Variants in CEP112 observed in about 807,000 individuals in gnomAD.
The protein encoded by CEP112 is centrosomal protein of 112 kDa.
In CEP112, 127 loss-of-function variants were observed where a neutral mutation model predicts 153.0. That is an observed-to-expected ratio of 0.83 (90% CI 0.72 to 0.96). The LOEUF (loss-of-function observed/expected upper bound fraction) is 0.96, where lower values mean the gene tolerates loss of function less well. Among genes scored for constraint, CEP112 ranks in the 40% least tolerant of loss-of-function variants. CEP112 has a pLI of 0.00. For synonymous variants in CEP112, 358 were observed against 374.4 expected, an observed-to-expected ratio of 0.96 and a Z score of 0.51; for missense variants, 1,089 against 1,101.2, an observed-to-expected ratio of 0.99 and a Z score of 0.16.
At chr17:66,167,682 T>A (rs956367032) in intron 4 of CEP112, among the ~76,000 whole-genome samples, 1 of 152,212 alleles carries the variant, frequency 6.6e-6, no homozygotes, top group African/African-American at 2.4e-5. Flanking sequence ...AAAGTACTTA[T>A]GCCTATATGA....
intron 23 of CEP112, among the ~76,000 whole-genome samples, chr17:65,721,881 T>C (rs1346560447): frequency 6.6e-6 from 1 of 152,044 alleles, no homozygotes; most frequent in East Asian, 1.9e-4. Context: ...AAGCCAACTA[T>C]TGAAGGAAAG....
At chr17:65,989,042 T>C (rs908940914) in intron 17 of CEP112, among the ~76,000 whole-genome samples, 4 of 151,284 alleles carry the variant, frequency 2.6e-5, no homozygotes, top group African/African-American at 9.7e-5. Flanking sequence ...GGCTGACACA[T>C]GGTGAAACCC....
intron 16 of CEP112, among the ~76,000 whole-genome samples, chr17:66,017,676 C>G (rs1161752038): frequency 1.3e-5 from 2 of 151,942 alleles, no homozygotes; most frequent in Non-Finnish European, 2.9e-5. Flanking sequence ...CAAAAGAGAA[C>G]AGATCAATAC....
rs116071430 is a variant in CEP112, at chr17:65,794,079, G to A, written c.2395-43355C>T. 3.2e-3 allele frequency among the ~76,000 whole-genome samples: 480 copies of A among 152,186 alleles called. 3 individuals carry two copies. Among genetic ancestry groups the A allele is most frequent in the African/African-American group, 0.011 (456 of 41,504 alleles). ...TGCTATATTCTAGGTAGTCTTCCAG[G>A]CACTGGGGATACAGCAGTGAACAAA... On this transcript the variant is annotated intron_variant, in intron 21 of 26. Transcript: ENST00000535342.
intron 24 of CEP112, 52 bp downstream of exon 24, chr17:65,689,074 ACTT>A: frequency 1.5e-6 from 2 of 1,313,476 alleles, no homozygotes; most frequent in Admixed American, 3.4e-5. Context: ...GGCTGCACAC[ACTT>A]CTTGACCTAG....
At chr17:65,882,547 C>T (rs2059121719) in intron 20 of CEP112, among the ~76,000 whole-genome samples, 1 of 152,194 alleles carries the variant, frequency 6.6e-6, no homozygotes, top group Non-Finnish European at 1.5e-5. Flanking sequence ...GCAATCTCTG[C>T]AGCATAGTTC....
intron 17 of CEP112, among the ~76,000 whole-genome samples, chr17:65,968,082 G>A (rs2062480290): frequency 1.3e-5 from 2 of 152,048 alleles, no homozygotes; most frequent in Non-Finnish European, 2.9e-5. Context: ...CATTACAGAT[G>A]TAGTATTATA....
intron 23 of CEP112, among the ~76,000 whole-genome samples, chr17:65,727,477 TA>T (rs1032067937): frequency 9.2e-5 from 14 of 152,176 alleles, no homozygotes; most frequent in African/African-American, 2.9e-4. Flanking sequence ...GAGGCTGTTT[TA>T]AATCAATCGC....
intron 19 of CEP112, among the ~76,000 whole-genome samples, chr17:65,912,616 A>T (rs575732682): frequency 4.6e-5 from 7 of 152,338 alleles, no homozygotes; most frequent in African/African-American, 1.7e-4. Flanking sequence ...CCATGGCTGA[A>T]GTAGCATGGA....
At chr17:66,138,742 T>C (rs229850) in intron 4 of CEP112, among the ~76,000 whole-genome samples, 151,769 of 152,256 alleles carry the variant, frequency 1, 75,643 homozygotes, top group Middle Eastern at 1. Flanking sequence ...ACAGTAACAA[T>C]AAACACATCA....
chr17:66,096,616 T>C lies in CEP112; in HGVS notation c.659A>G (p.Tyr220Cys). 6.3e-7 allele frequency: 1 copy of C among 1,591,896 alleles called. No individual in the cohort carries two copies. Among genetic ancestry groups the C allele is most frequent in the South Asian group, 1.1e-5 (1 of 87,634 alleles). The change falls in exon 7 of 27, where the codon TAC becomes TGC. Residue 220 changes from tyrosine to cysteine, a missense_variant. Transcript: ENST00000535342. The part of the protein sequence containing the change: ...SWNLGIENPR[Y>C]LRQKPIPVSL... Reference sequence around the variant, plus strand: ...AACTGGGATAGGCTTCTGTCTCAGGTATCGAGGATTTTCTATCTGAAAATT... The same window carrying C: ...AACTGGGATAGGCTTCTGTCTCAGGCATCGAGGATTTTCTATCTGAAAATT...
chr17:66,098,179 T>C (rs1343876546), intron 6 of CEP112, among the ~76,000 whole-genome samples: 8 of 152,242 alleles, frequency 5.3e-5, no homozygotes, highest in African/African-American at 1.9e-4. Context: ...GCTTCCATTT[T>C]GTGTACATCA....
chr17:66,079,026 C>A (rs1350706326), intron 8 of CEP112, among the ~76,000 whole-genome samples: 1 of 152,124 alleles, frequency 6.6e-6, no homozygotes, highest in Non-Finnish European at 1.5e-5. Context: ...CATCACTAAT[C>A]ATCAGAGAAA....
At chr17:66,091,762 G>T (rs1204748490) in intron 8 of CEP112, among the ~76,000 whole-genome samples, 1 of 151,626 alleles carries the variant, frequency 6.6e-6, no homozygotes, top group East Asian at 1.9e-4. Flanking sequence ...TATTTGAAAA[G>T]ATAAACAAAA....
intron 17 of CEP112, among the ~76,000 whole-genome samples, chr17:65,966,357 A>G (rs1568304690): frequency 6.6e-6 from 1 of 152,234 alleles, no homozygotes; most frequent in Non-Finnish European, 1.5e-5. Flanking sequence ...GCTAACATGT[A>G]TATGTACAGG....
chr17:65,720,747 A>C (rs1202972170), intron 23 of CEP112, among the ~76,000 whole-genome samples: 1 of 152,188 alleles, frequency 6.6e-6, no homozygotes, highest in Non-Finnish European at 1.5e-5. Flanking sequence ...CAGTAATTTA[A>C]CAGTTACATA....
intron 21 of CEP112, among the ~76,000 whole-genome samples, chr17:65,821,513 AT>A (rs1568066859): frequency 1.8e-4 from 15 of 84,682 alleles, no homozygotes; most frequent in African/African-American, 6.3e-4. Flanking sequence ...TATATATATA[AT>A]TATATATATA....
chr17:65,957,059 C>A lies in CEP112; in HGVS notation c.1872+4404G>T, dbSNP rs191280189. Among the ~76,000 whole-genome samples, 132 of 152,246 alleles carry A rather than the reference C, an allele frequency of 8.7e-4. 3 individuals carry two copies. In the South Asian group the frequency reaches 8.9e-3, roughly 10 times the overall value. On this transcript the variant is annotated intron_variant, in intron 18 of 26. Transcript: ENST00000535342. ...GACGGCATGAGATTTCATCATGTTA[C>A]TAAGAACAGTGCACAATGTAAACCT...
At chr17:65,643,950 A>G (rs879233473) in intron 24 of CEP112, among the ~76,000 whole-genome samples, 6 of 152,112 alleles carry the variant, frequency 3.9e-5, no homozygotes, top group East Asian at 3.9e-4. Flanking sequence ...AAATTCCTCA[A>G]TCTTGTTGGT....
Sources: gnomAD v4.1 joint callset for allele counts (sites outside exome capture counted in the v4.1 genomes callset) on GRCh38, gnomAD v4.1.1 for gene constraint, MANE v1.5 for transcripts, NCBI Gene and HGNC (gene_info 2026-07-23, HGNC 2026-07-21) for gene names.